GTPBP10: variants seen among roughly 807,000 people sequenced by gnomAD.
GTPBP10 encodes the protein GTP binding protein 10, also known as GTP-binding protein 10.
Under a neutral mutation model 44.8 loss-of-function variants are expected in GTPBP10, and 38 were observed. The ratio of observed to expected loss-of-function variants is 0.85; its 90% CI spans 0.65 to 1.11. The LOEUF (loss-of-function observed/expected upper bound fraction) is 1.11, where lower values mean the gene tolerates loss of function less well. Ranked by LOEUF, GTPBP10 falls within the 50% of genes most tolerant of loss-of-function variation. The pLI is 0.00. For missense variants in GTPBP10, 462 were observed against 453.7 expected, an observed-to-expected ratio of 1.02 and a Z score of -0.17; for synonymous variants, 152 against 150.6, an observed-to-expected ratio of 1.01 and a Z score of -0.07.
intron 6 of GTPBP10, among the ~76,000 whole-genome samples, chr7:90,376,418 G>T (rs559342603): frequency 1.3e-5 from 2 of 152,218 alleles, no homozygotes; most frequent in African/African-American, 4.8e-5. Flanking sequence ...TGGGTTTGTC[G>T]AGTGCTGTTT....
intron 4 of GTPBP10, among the ~76,000 whole-genome samples, chr7:90,369,581 C>T (rs181173133): frequency 2.6e-5 from 4 of 152,196 alleles, no homozygotes; most frequent in Non-Finnish European, 4.4e-5. Flanking sequence ...CAGACTGCTG[C>T]GCTAGCAGTG....
intron 9 of GTPBP10, among the ~76,000 whole-genome samples, chr7:90,384,553 A>G (rs1796489395): frequency 6.6e-6 from 1 of 152,134 alleles, no homozygotes; most frequent in Admixed American, 6.5e-5. Context: ...ATTTTTACAG[A>G]AAGTATCTTT....
intron 4 of GTPBP10, among the ~76,000 whole-genome samples, chr7:90,362,382 C>T (rs77023251): frequency 3.3e-5 from 5 of 152,108 alleles, no homozygotes; most frequent in Non-Finnish European, 5.9e-5. Flanking sequence ...GCCTTCATTT[C>T]GTTATGTACC....
intron 1 of GTPBP10, among the ~76,000 whole-genome samples, chr7:90,351,896 C>G (rs777434793): frequency 2.0e-4 from 31 of 152,138 alleles, no homozygotes; most frequent in Non-Finnish European, 4.3e-4. Flanking sequence ...CAGGGTTTCT[C>G]CATGTTAGCC....
Position 90,377,575 on chromosome 7 carries a change from C to G in GTPBP10, c.660C>G (p.Phe220Leu). 1.9e-6 allele frequency: 3 copies of G among 1,611,228 alleles called. No homozygotes were observed. The highest frequency in any genetic ancestry group is 2.5e-6 in the Non-Finnish European group (3 of 1,178,344). Residue 220 changes from phenylalanine to leucine, a missense_variant, in exon 7 of 10, where the codon TTC becomes TTG. By Grantham distance (22) the Phe-to-Leu change is conservative (BLOSUM62 0). Transcript: ENST00000222511. ...TGAACAAAGGAATGGGCCACAAATT[C>G]CTCAAGCATATAGAAAGAACTAGAC... The part of the protein sequence containing the change: ...AHMNKGMGHK[F>L]LKHIERTRQL...
chr7:90,363,866 T>C (rs1166745258), intron 4 of GTPBP10, among the ~76,000 whole-genome samples: 2 of 45,202 alleles, frequency 4.4e-5, no homozygotes, highest in South Asian at 9.9e-4. Flanking sequence ...AATTCTCTTC[T>C]TGCTTCATTT....
intron 1 of GTPBP10, among the ~76,000 whole-genome samples, chr7:90,348,813 G>A (rs1262731028): frequency 6.6e-6 from 1 of 152,196 alleles, no homozygotes; most frequent in East Asian, 1.9e-4. Flanking sequence ...CTTCACAGAA[G>A]GGTCCATGTC....
At chr7:90,382,725 T>C (rs1430770403) in intron 8 of GTPBP10, among the ~76,000 whole-genome samples, 1 of 152,224 alleles carries the variant, frequency 6.6e-6, no homozygotes, top group Non-Finnish European at 1.5e-5. Flanking sequence ...TATTTGACTC[T>C]AGACGCAAAA....
intron 4 of GTPBP10, among the ~76,000 whole-genome samples, chr7:90,361,934 T>C (rs897898818): frequency 1.3e-5 from 2 of 152,210 alleles, no homozygotes; most frequent in African/African-American, 4.8e-5. Context: ...GTTTATAGTA[T>C]TGTCTGATGG....
intron 9 of GTPBP10, chr7:90,383,908 A>G (rs996065711): frequency 6.6e-6 from 1 of 152,290 alleles, no homozygotes; most frequent in Middle Eastern, 3.4e-3. Flanking sequence ...CCTCTCAAAA[A>G]TCTTTCCCCT....
chr7:90,360,706 T>C (rs1240807462), intron 4 of GTPBP10, among the ~76,000 whole-genome samples: 1 of 152,190 alleles, frequency 6.6e-6, no homozygotes, highest in African/African-American at 2.4e-5. Flanking sequence ...GGGGCTGGCA[T>C]TGAATCTATA....
chr7:90,374,810 G>GA (rs1434208509), intron 6 of GTPBP10, among the ~76,000 whole-genome samples: 3 of 151,530 alleles, frequency 2.0e-5, no homozygotes, highest in Non-Finnish European at 2.9e-5. Context: ...TGTATAATTA[G>GA]AAAAAAACTA....
intron 5 of GTPBP10, among the ~76,000 whole-genome samples, chr7:90,372,482 C>CTTTTTTTTTTTTTTTTTTTTTTT (rs757973599): frequency 8.9e-5 from 10 of 112,204 alleles, no homozygotes; most frequent in African/African-American, 3.6e-4. Context: ...GCTTGGCTAA[C>CTTTTTTTTTTTTTTTTTTTTTTT]TTTTTTTTTT....
chr7:90,390,500 A>G lies in GTPBP10; in HGVS notation c.*5346A>G, dbSNP rs1398837107. 1 of 152,232 alleles carries G rather than the reference A, an allele frequency of 6.6e-6. No individual in the cohort carries two copies. The highest frequency in any genetic ancestry group is 1.9e-4 in the East Asian group (1 of 5,200). The allele number at this position is 152,232 out of a possible 1,614,324, so 9.4% of individuals were successfully genotyped here. On this transcript the variant is annotated 3_prime_UTR_variant, in exon 10 of 10. Transcript: ENST00000222511. Reference sequence around the variant, plus strand: ...TATTATTAATGTGTTTATAATAGAAATTAAATTCTTTGGGATGTACAGGTA... The same window carrying G: ...TATTATTAATGTGTTTATAATAGAAGTTAAATTCTTTGGGATGTACAGGTA...
chr7:90,369,592 A>AG (rs1796215295), intron 4 of GTPBP10, among the ~76,000 whole-genome samples: 1 of 152,178 alleles, frequency 6.6e-6, no homozygotes, highest in African/African-American at 2.4e-5. Context: ...GCTAGCAGTG[A>AG]GCAAGGCTCC....
At chr7:90,350,321 G>C (rs1009221445) in intron 1 of GTPBP10, among the ~76,000 whole-genome samples, 4 of 152,164 alleles carry the variant, frequency 2.6e-5, no homozygotes, top group Non-Finnish European at 5.9e-5. Flanking sequence ...ATTTGGGTTG[G>C]TTCCAAGTCT....
At chr7:90,381,928 A>C (rs1408151785) in intron 8 of GTPBP10, among the ~76,000 whole-genome samples, 2 of 152,230 alleles carry the variant, frequency 1.3e-5, no homozygotes. Context: ...AGTTGATTAA[A>C]GACTTAAAGC....
chr7:90,358,936 A>G (rs980059883), intron 4 of GTPBP10, among the ~76,000 whole-genome samples: 4 of 152,200 alleles, frequency 2.6e-5, no homozygotes, highest in African/African-American at 4.8e-5. Flanking sequence ...GACAAATGAC[A>G]TGGACATTTC....
At position 90,386,432 on chromosome 7, in the gene GTPBP10, C is replaced by T. The variant is rs1796525453; in HGVS notation, c.*1278C>T. On this transcript the variant is annotated 3_prime_UTR_variant, in exon 10 of 10. Transcript: ENST00000222511. The stretch of plus-strand genomic sequence containing the variant: ...GTATTTTTTCCTGAATTGGAGGAGA[C>T]TGATCTATATTGTTTCATTTTTCTT... 1 of 152,160 alleles carries T rather than the reference C, an allele frequency of 6.6e-6. No homozygotes were observed. Among genetic ancestry groups the T allele is most frequent in the South Asian group, 2.1e-4 (1 of 4,826 alleles). The allele number at this position is 152,160 out of a possible 1,614,324, so 9.4% of individuals were successfully genotyped here.
Sources: allele counts gnomAD v4.1 joint callset (sites outside exome capture counted in the v4.1 genomes callset), GRCh38; gene constraint gnomAD v4.1.1; transcripts MANE v1.5; gene names NCBI Gene and HGNC (gene_info 2026-07-23, HGNC 2026-07-21).